SPATS2L: variants seen among roughly 807,000 people sequenced by gnomAD.
SPATS2L encodes spermatogenesis associated serine rich 2 like.
In SPATS2L, 30 loss-of-function variants were observed where a neutral mutation model predicts 59.6. That is an observed-to-expected ratio of 0.50 (90% CI 0.38 to 0.68). The LOEUF is 0.68. SPATS2L is among the 30% of genes least tolerant of loss of function. The pLI is 0.00. For synonymous variants in SPATS2L, 252 were observed against 263.5 expected (o/e 0.96, Z 0.42); for missense variants, 615 against 700.0 (o/e 0.88, Z 1.37).
chr2:200,328,189 G>A (rs957131039), intron 1 of SPATS2L, among the ~76,000 whole-genome samples: 3 of 152,112 alleles, frequency 2.0e-5, no homozygotes, highest in Non-Finnish European at 2.9e-5. Flanking sequence ...GACCAAGTGT[G>A]TACAGTTGTC....
chr2:200,341,744 C>T (rs1395281485), intron 2 of SPATS2L, among the ~76,000 whole-genome samples: 1 of 148,996 alleles, frequency 6.7e-6, no homozygotes, highest in African/African-American at 2.5e-5. Flanking sequence ...GGCTGGAGTG[C>T]AGTGGTGGGA....
chr2:200,451,653 G>A (rs17630837), intron 8 of SPATS2L, among the ~76,000 whole-genome samples: 6,496 of 152,138 alleles, frequency 0.043, 266 homozygotes, highest in East Asian at 0.11. Context: ...GAGCCTGCCT[G>A]GAGGCCAGGA....
At chr2:200,420,586 G>A (rs1374176924) in intron 6 of SPATS2L, among the ~76,000 whole-genome samples, 1 of 152,212 alleles carries the variant, frequency 6.6e-6, no homozygotes, top group East Asian at 1.9e-4. Context: ...GGTAATGGGT[G>A]TCAGCTCTAA....
At chr2:200,437,510 C>T (rs2084382651) in intron 6 of SPATS2L, among the ~76,000 whole-genome samples, 1 of 152,142 alleles carries the variant, frequency 6.6e-6, no homozygotes, top group South Asian at 2.1e-4. Context: ...AAACTCATTT[C>T]ACACTGAAGT....
At chr2:200,428,081 A>C (rs2083688186) in intron 6 of SPATS2L, among the ~76,000 whole-genome samples, 1 of 152,060 alleles carries the variant, frequency 6.6e-6, no homozygotes, top group East Asian at 1.9e-4. Flanking sequence ...AACAAAAAAA[A>C]AAAGGAGTTT....
rs1293362616 is a variant in SPATS2L, at chr2:200,306,907, G to C, written c.-88G>C. The C allele has an allele frequency of 1.0e-6, 1 of 981,432 alleles. No individual in the cohort carries two copies. The highest frequency in any genetic ancestry group is 6.3e-5 in the Admixed American group (1 of 15,958). 60.8% of individuals were successfully genotyped at this position (981,432 alleles called of 1,614,324 possible). On this transcript the variant is annotated 5_prime_UTR_variant, in exon 1 of 13. Coordinates refer to ENST00000409140, the MANE Select transcript of SPATS2L (RefSeq NM_001100423.2). ...GGCTCCGGCCCGGGACGGAGGAGCCGGCGCTCGACACAGAGGTAAGCCCAG... is the reference window on the plus strand; with the variant it reads ...GGCTCCGGCCCGGGACGGAGGAGCCCGCGCTCGACACAGAGGTAAGCCCAG...
At chr2:200,314,799 G>A (rs1012293684) in intron 1 of SPATS2L, among the ~76,000 whole-genome samples, 17 of 152,288 alleles carry the variant, frequency 1.1e-4, no homozygotes, top group Middle Eastern at 6.8e-3. Context: ...AAGTTGAGAT[G>A]TGCGTAAGTG....
chr2:200,433,270 T>C (rs565153783), intron 6 of SPATS2L, among the ~76,000 whole-genome samples: 11 of 152,068 alleles, frequency 7.2e-5, no homozygotes, highest in African/African-American at 2.6e-4. Flanking sequence ...TGATAGAACA[T>C]ATAGATTAAA....
chr2:200,379,465 G>A lies in SPATS2L; in HGVS notation c.-22-9758G>A, dbSNP rs573340996. Among the ~76,000 whole-genome samples, 10 of 152,214 alleles carry A rather than the reference G, an allele frequency of 6.6e-5. 1 individual carries two copies. In the South Asian group the frequency reaches 1.2e-3, roughly 19 times the overall value. ...TCCCCACAGACCCTGGTGCATTGTC[G>A]GTGTTTAATGAATGTTTGTCAAATT... On this transcript the variant is annotated intron_variant, in intron 2 of 12. Transcript: ENST00000409140.
chr2:200,463,687 C>T (rs2086398695), intron 9 of SPATS2L, among the ~76,000 whole-genome samples: 1 of 152,192 alleles, frequency 6.6e-6, no homozygotes, highest in African/African-American at 2.4e-5. Context: ...CCCACATAAG[C>T]ACAGGTGTCA....
intron 8 of SPATS2L, among the ~76,000 whole-genome samples, chr2:200,455,495 C>T (rs1003639152): frequency 6.6e-6 from 1 of 152,316 alleles, no homozygotes. Context: ...CACTGGCACT[C>T]TACCTAATGT....
At chr2:200,334,219 A>C (rs1013926121) in intron 2 of SPATS2L, among the ~76,000 whole-genome samples, 1 of 152,126 alleles carries the variant, frequency 6.6e-6, no homozygotes, top group African/African-American at 2.4e-5. Context: ...ATGGTATCTC[A>C]TTATGGTTTT....
chr2:200,465,107 G>A (rs1431458203), intron 9 of SPATS2L, among the ~76,000 whole-genome samples: 1 of 152,244 alleles, frequency 6.6e-6, no homozygotes, highest in Non-Finnish European at 1.5e-5. Flanking sequence ...ACATAGTGCA[G>A]TTCACACCGT....
intron 9 of SPATS2L, 109 bp from the exon 10 acceptor site, chr2:200,467,181 G>C (rs1002206565): frequency 3.5e-5 from 27 of 762,624 alleles, no homozygotes; most frequent in Non-Finnish European, 5.5e-5. Context: ...ACACAGTCGT[G>C]GTCCAACAAA....
At chr2:200,348,500 G>A (rs566664167) in intron 2 of SPATS2L, among the ~76,000 whole-genome samples, 161 of 152,300 alleles carry the variant, frequency 1.1e-3, no homozygotes, top group African/African-American at 3.8e-3. Flanking sequence ...CACGGGACAC[G>A]TCATTGGAGA....
At chr2:200,411,399 C>A (rs1333928930) in intron 3 of SPATS2L, among the ~76,000 whole-genome samples, 2 of 152,212 alleles carry the variant, frequency 1.3e-5, no homozygotes, top group African/African-American at 4.8e-5. Context: ...ACCCACTGAT[C>A]ATAATTTAAA....
At chr2:200,332,638 C>A (rs1377156369) in intron 2 of SPATS2L, among the ~76,000 whole-genome samples, 6 of 151,492 alleles carry the variant, frequency 4.0e-5, no homozygotes, top group African/African-American at 1.5e-4. Flanking sequence ...GAGAATAAAT[C>A]TAGTAATTTA....
At chr2:200,322,687 A>G (rs2079604313) in intron 1 of SPATS2L, among the ~76,000 whole-genome samples, 1 of 152,190 alleles carries the variant, frequency 6.6e-6, no homozygotes, top group Non-Finnish European at 1.5e-5. Flanking sequence ...TGTGAAGATC[A>G]AGGTACAGGT....
rs141831238 is a variant in SPATS2L at position 200,468,347 on chromosome 2, TAC to T, written c.957+979_957+980del. ...TTATCCACTTTTTCACCCAGTATAC[TAC>T]ACACACACACACACACACACACACA... is the stretch of plus-strand genomic sequence containing the variant. On this transcript the variant is annotated intron_variant, in intron 10 of 12. Coordinates refer to ENST00000409140, the MANE Select transcript of SPATS2L (RefSeq NM_001100423.2). Among the ~76,000 whole-genome samples, 38 of 110,138 alleles carry T rather than the reference TAC, an allele frequency of 3.5e-4. 2 individuals carry two copies. Among genetic ancestry groups the T allele is most frequent in the South Asian group, 3.3e-3 (9 of 2,748 alleles). The allele number at this position is 110,138 out of a possible 152,430, so 72.3% of individuals were successfully genotyped here. A position where few individuals can be genotyped will look rare whatever the true frequency, so the allele number is the denominator to read the frequency against.
Sources: gnomAD v4.1 joint callset for allele counts (sites outside exome capture counted in the v4.1 genomes callset) on GRCh38, gnomAD v4.1.1 for gene constraint, MANE v1.5 for transcripts, NCBI Gene and HGNC (gene_info 2026-07-23, HGNC 2026-07-21) for gene names.